The following PCDHGA6 variants were observed in gnomAD, a reference collection of about 807,000 sequenced individuals.
The protein encoded by PCDHGA6 is protocadherin gamma subfamily A, 6.
Under a neutral mutation model 60.6 loss-of-function variants are expected in PCDHGA6, and 41 were observed. The observed-to-expected ratio is 0.68, with a 90% CI of 0.53 to 0.88. The LOEUF is 0.88. Ranked by LOEUF, PCDHGA6 falls within the 40% of genes least tolerant of loss-of-function variation. The pLI is 0.00. For synonymous variants in PCDHGA6, 594 were observed against 524.4 expected (o/e 1.13, Z -1.81); for missense variants, 1,312 against 1,203.0 (o/e 1.09, Z -1.34).
chr5:141,500,269 C>T (rs977958449), intron 2 of PCDHGA6, among the ~76,000 whole-genome samples: 1 of 151,504 alleles, frequency 6.6e-6, no homozygotes, highest in African/African-American at 2.4e-5. Context: ...ACTGCAGTGG[C>T]GCAATCTCGG....
intron 1 of PCDHGA6, chr5:141,478,511 C>CA: frequency 3.1e-6 from 5 of 1,611,778 alleles, no homozygotes; most frequent in Non-Finnish European, 4.2e-6. Context: ...GTTCTATAGG[C>CA]AGGTGTTGGG....
chr5:141,389,726 C>G (rs150721796), intron 1 of PCDHGA6: 2 of 1,612,720 alleles, frequency 1.2e-6, no homozygotes, highest in Non-Finnish European at 1.7e-6. Flanking sequence ...AGCCCGGGCT[C>G]TTCAGCCTGG....
At chr5:141,427,984 C>A (rs754620535) in intron 1 of PCDHGA6, 6 of 1,597,376 alleles carry the variant, frequency 3.8e-6, no homozygotes, top group Non-Finnish European at 4.3e-6. Flanking sequence ...GCGCTGGGGC[C>A]CGATGGCTCC....
At chr5:141,459,245 C>G (rs1040972875) in intron 1 of PCDHGA6, among the ~76,000 whole-genome samples, 1 of 152,180 alleles carries the variant, frequency 6.6e-6, no homozygotes, top group African/African-American at 2.4e-5. Context: ...TGCTTCCTGT[C>G]ACTATAAATT....
At chr5:141,418,539 A>G (rs984639830) in intron 1 of PCDHGA6, 14 of 1,614,034 alleles carry the variant, frequency 8.7e-6, no homozygotes, top group Non-Finnish European at 1.0e-5. Context: ...GGTACTGCTC[A>G]GATAAGAATC....
intron 2 of PCDHGA6, among the ~76,000 whole-genome samples, chr5:141,497,879 G>T (rs62379207): frequency 2.0e-5 from 3 of 152,128 alleles, no homozygotes; most frequent in Admixed American, 6.5e-5. Flanking sequence ...TGAAATAAGC[G>T]TTAGGATCTA....
At chr5:141,405,556 C>G in intron 1 of PCDHGA6, 1 of 619,826 alleles carries the variant, frequency 1.6e-6, no homozygotes, top group African/African-American at 1.8e-5. Flanking sequence ...AGTAGAGTAG[C>G]TGGGACTAGA....
rs1221134827 is a variant in PCDHGA6 at position 141,374,345 on chromosome 5, G to T, written c.262G>T (p.Gly88Cys). ...NPRNGSLVTA[G>C]RIDREELCAQ... is the part of the protein sequence containing the mutation. ...GCGAAACGGCAGCTTGGTCACCGCGGGTAGGATAGACCGCGAGGAGCTCTG... is the reference window on the plus strand; with the variant it reads ...GCGAAACGGCAGCTTGGTCACCGCGTGTAGGATAGACCGCGAGGAGCTCTG... Residue 88 changes from glycine to cysteine, a missense_variant, in exon 1 of 4, where the codon GGT becomes TGT. Gly to Cys is a radical substitution (Grantham distance 159). Coordinates refer to ENST00000517434, the MANE Select transcript of PCDHGA6 (RefSeq NM_018919.3). The T allele has an allele frequency of 3.7e-6, 6 of 1,613,900 alleles. No homozygotes were observed. The African/African-American group carries it at 8.0e-5, about 22-fold the overall frequency.
At position 141,511,112 on chromosome 5, in the gene PCDHGA6, G is replaced by A. The variant is rs767257788; in HGVS notation, c.2738G>A (p.Gly913Asp). The change falls in exon 4 of 4, where the codon GGC (glycine) becomes GAC (aspartate). Residue 913 changes from glycine (G) to aspartate (D), a missense_variant. Transcript: ENST00000517434. ...ACCAACGCAGCTGGCAAGCGGGATGGCAAGGCCCCAGCAGGTGGCAATGGC... is the reference window on the plus strand; with the variant it reads ...ACCAACGCAGCTGGCAAGCGGGATGACAAGGCCCCAGCAGGTGGCAATGGC... The part of the protein sequence containing the change: ...TLTNAAGKRD[G>D]KAPAGGNGNK... 1 of 1,614,232 alleles carries A rather than the reference G, an allele frequency of 6.2e-7. No individual in the cohort carries two copies.
intron 2 of PCDHGA6, among the ~76,000 whole-genome samples, chr5:141,500,333 A>G (rs1237684682): frequency 6.6e-6 from 1 of 151,336 alleles, no homozygotes; most frequent in Non-Finnish European, 1.5e-5. Context: ...CTCAGCCTCC[A>G]GAATAGCTGG....
intron 1 of PCDHGA6, chr5:141,377,664 C>T (rs1042522537): frequency 6.6e-6 from 1 of 151,600 alleles, no homozygotes; most frequent in South Asian, 2.1e-4. Context: ...AAACGACAGA[C>T]GTTCATACAA....
In PCDHGA6 at chr5:141,374,769, T is replaced by C; in HGVS notation, c.686T>C (p.Leu229Pro). The change falls in exon 1 of 4, where the codon CTG becomes CCG. Residue 229 changes from leucine to proline, a missense_variant. Leu to Pro is a moderately conservative substitution (Grantham distance 98). Coordinates refer to ENST00000517434, the MANE Select transcript of PCDHGA6 (RefSeq NM_018919.3). The part of the protein sequence containing the change: ...DPVRSSVAQI[L>P]VTVLDVNDNT... ...GTCCGCTCAAGCGTCGCCCAAATTC[T>C]GGTAACAGTTCTAGATGTGAATGAC... is the stretch of plus-strand genomic sequence containing the variant. The C allele has an allele frequency of 6.2e-7, 1 of 1,613,762 alleles. No homozygotes were observed.
intron 1 of PCDHGA6, chr5:141,428,003 C>A (rs1175875944): frequency 2.5e-6 from 4 of 1,601,244 alleles, no homozygotes; most frequent in Non-Finnish European, 3.4e-6. Context: ...CCGCACTCTT[C>A]GATATAGTGC....
intron 1 of PCDHGA6, chr5:141,384,813 C>G: frequency 6.2e-7 from 1 of 1,613,412 alleles, no homozygotes. Flanking sequence ...GAGATGCCCT[C>G]AAGCAGAGCC....
intron 1 of PCDHGA6, chr5:141,404,569 C>T (rs887708182): frequency 6.2e-7 from 1 of 1,613,608 alleles, no homozygotes; most frequent in African/African-American, 1.3e-5. Context: ...ACAGTGGAAG[C>T]CCACCACTTA....
intron 1 of PCDHGA6, among the ~76,000 whole-genome samples, chr5:141,483,014 G>A (rs1401419953): frequency 1.3e-5 from 2 of 152,184 alleles, no homozygotes; most frequent in Non-Finnish European, 2.9e-5. Context: ...GAACCCGGGA[G>A]GCAGAGGTTG....
At position 141,431,848 on chromosome 5, in the gene PCDHGA6, G is replaced by A. The variant is rs747401379; in HGVS notation, c.2424+55341G>A. 11 of 1,614,142 alleles carry A rather than the reference G, an allele frequency of 6.8e-6. No homozygotes were observed. The highest frequency in any genetic ancestry group is 2.2e-5 in the East Asian group (1 of 44,906). On this transcript the variant is annotated intron_variant, in intron 1 of 3. Coordinates refer to ENST00000517434, the MANE Select transcript of PCDHGA6 (RefSeq NM_018919.3). The surrounding 1 kb of genome is among the most constrained non-coding windows in gnomAD (Gnocchi z 4.8). ...CGGTTCCCGAAAACTCTCCCAGAGGGACATTAATTGCCCTTTTAAATGTAA... is the reference window on the plus strand; with the variant it reads ...CGGTTCCCGAAAACTCTCCCAGAGGAACATTAATTGCCCTTTTAAATGTAA...
intron 1 of PCDHGA6, chr5:141,468,556 GAT>G (rs754546771): frequency 6.6e-6 from 1 of 151,930 alleles, no homozygotes; most frequent in Non-Finnish European, 1.5e-5. Flanking sequence ...TAACATTTGT[GAT>G]ATAGTAAACA....
chr5:141,484,375 G>C (rs188702244), intron 1 of PCDHGA6, among the ~76,000 whole-genome samples: 2 of 152,258 alleles, frequency 1.3e-5, no homozygotes, highest in African/African-American at 4.8e-5. Flanking sequence ...ACTAGCAAAT[G>C]TCTGAATAAG....
Sources: allele counts gnomAD v4.1 joint callset (sites outside exome capture counted in the v4.1 genomes callset), GRCh38; gene constraint gnomAD v4.1.1; non-coding constraint Gnocchi (gnomAD v3.1); transcripts MANE v1.5; gene names NCBI Gene and HGNC (gene_info 2026-07-23, HGNC 2026-07-21).